The following PDE10A variants were observed in gnomAD, a reference collection of about 807,000 sequenced individuals.
PDE10A encodes cAMP and cAMP-inhibited cGMP 3',5'-cyclic phosphodiesterase 10A.
In PDE10A, 39 loss-of-function variants were observed where a neutral mutation model predicts 97.7. The observed-to-expected ratio is 0.40, with a 90% CI of 0.31 to 0.52. The LOEUF is 0.52. Among genes scored for constraint, PDE10A ranks in the 20% least tolerant of loss-of-function variants. The pLI, the probability that PDE10A is intolerant of heterozygous loss-of-function variation, is 0.56. For synonymous variants in PDE10A, 371 were observed against 376.8 expected (o/e 0.98, Z 0.18); for missense variants, 731 against 1,047.8 (o/e 0.70, Z 4.17).
intron 1 of PDE10A, among the ~76,000 whole-genome samples, chr6:165,609,002 A>G (rs1345695241): frequency 6.6e-6 from 1 of 152,072 alleles, no homozygotes; most frequent in Non-Finnish European, 1.5e-5. Context: ...TAGATTCTGG[A>G]TATTAGCCCT....
At chr6:165,619,419 G>GTAGTC (rs1554296731) in intron 1 of PDE10A, among the ~76,000 whole-genome samples, 2 of 19,408 alleles carry the variant, frequency 1.0e-4, no homozygotes, top group East Asian at 1.2e-3. Context: ...CTAGTGTAGT[G>GTAGTC]TAGTGTAGTA....
In PDE10A at chr6:165,776,433, C is replaced by G. The variant is rs1778185799; in HGVS notation, c.-615+211096G>C. Among the ~76,000 whole-genome samples the G allele has an allele frequency of 2.0e-5, 3 of 152,192 alleles. No individual in the cohort carries two copies. The South Asian group carries it at 6.2e-4, about 31-fold the overall frequency. On this transcript the variant is annotated intron_variant, in intron 1 of 19. Transcript: ENST00000366882. The stretch of plus-strand genomic sequence containing the variant: ...TTATTTCGATTAAATCAAAGCACTG[C>G]AGTAAAAGAAGGCAAATAAATGTTT...
At chr6:165,409,421 C>A (rs1449166307) in intron 13 of PDE10A, 1 of 152,426 alleles carries the variant, frequency 6.6e-6, no homozygotes, top group Non-Finnish European at 1.5e-5. Context: ...GTAACGCATG[C>A]CTGTAATCCC....
chr6:165,871,851 G>T (rs1196838477), intron 1 of PDE10A, among the ~76,000 whole-genome samples: 3 of 152,218 alleles, frequency 2.0e-5, no homozygotes, highest in Non-Finnish European at 4.4e-5. Flanking sequence ...GCCTGTGAAG[G>T]CTGGAGAAAC....
intron 1 of PDE10A, among the ~76,000 whole-genome samples, chr6:165,757,856 T>G (rs1333467372): frequency 6.6e-6 from 1 of 152,198 alleles, no homozygotes; most frequent in Non-Finnish European, 1.5e-5. Flanking sequence ...GATGACATAA[T>G]TTAGAGAGAA....
intron 3 of PDE10A, among the ~76,000 whole-genome samples, chr6:165,468,254 TA>T (rs1323478535): frequency 6.6e-6 from 1 of 151,386 alleles, no homozygotes; most frequent in Non-Finnish European, 1.5e-5. Context: ...AATTTTTTTT[TA>T]TTTTTTTTTT....
chr6:165,679,768 C>A (rs1274499653), intron 1 of PDE10A, among the ~76,000 whole-genome samples: 1 of 152,166 alleles, frequency 6.6e-6, no homozygotes, highest in African/African-American at 2.4e-5. Context: ...CACAAGATTT[C>A]CTGGGTCTAA....
intron 1 of PDE10A, among the ~76,000 whole-genome samples, chr6:165,546,658 G>T (rs1471812916): frequency 6.6e-6 from 1 of 152,010 alleles, no homozygotes; most frequent in Non-Finnish European, 1.5e-5. Flanking sequence ...GTCCCAAGAG[G>T]GTACAGTTTG....
At chr6:165,944,559 A>G (rs1394539622) in intron 1 of PDE10A, among the ~76,000 whole-genome samples, 2 of 152,278 alleles carry the variant, frequency 1.3e-5, no homozygotes, top group South Asian at 4.1e-4. Flanking sequence ...ACTGTGTGCT[A>G]CCATTTTTAT....
chr6:165,730,247 G>A (rs770902526), intron 1 of PDE10A, among the ~76,000 whole-genome samples: 2 of 151,998 alleles, frequency 1.3e-5, no homozygotes, highest in Non-Finnish European at 2.9e-5. Context: ...AGAGCTAAGT[G>A]AAAATATTTC....
intron 1 of PDE10A, among the ~76,000 whole-genome samples, chr6:165,586,702 C>A (rs986899879): frequency 2.0e-5 from 3 of 152,128 alleles, no homozygotes; most frequent in African/African-American, 7.2e-5. Context: ...CTAGAAGCCA[C>A]CAAAATCCAT....
chr6:165,908,473 A>G (rs1447004775), intron 1 of PDE10A, among the ~76,000 whole-genome samples: 2 of 152,180 alleles, frequency 1.3e-5, no homozygotes, highest in Non-Finnish European at 2.9e-5. Context: ...CTGATTCTAA[A>G]TGTGGGTTCC....
At chr6:165,336,469 G>T (rs894741681) in intron 20 of PDE10A, among the ~76,000 whole-genome samples, 1 of 152,126 alleles carries the variant, frequency 6.6e-6, no homozygotes, top group Admixed American at 6.5e-5. Flanking sequence ...CTGAAATCTG[G>T]CCGGGCGCGG....
At chr6:165,689,328 C>T (rs1486034923) in intron 1 of PDE10A, among the ~76,000 whole-genome samples, 1 of 152,038 alleles carries the variant, frequency 6.6e-6, no homozygotes, top group East Asian at 1.9e-4. Context: ...TTTATGAATC[C>T]CCTAGAGAGT....
At chr6:165,627,899 AT>A (rs1276268652) in intron 1 of PDE10A, among the ~76,000 whole-genome samples, 1 of 152,182 alleles carries the variant, frequency 6.6e-6, no homozygotes, top group Admixed American at 6.5e-5. Context: ...AGTCCAACCC[AT>A]AAAGCTGAAG....
intron 1 of PDE10A, among the ~76,000 whole-genome samples, chr6:165,847,241 G>A (rs980082841): frequency 1.3e-5 from 2 of 152,218 alleles, no homozygotes; most frequent in African/African-American, 2.4e-5. Flanking sequence ...AGAGGCAGGG[G>A]TACCGGGAGC....
intron 1 of PDE10A, among the ~76,000 whole-genome samples, chr6:165,799,537 C>T (rs182338968): frequency 1.3e-5 from 2 of 152,170 alleles, no homozygotes; most frequent in African/African-American, 2.4e-5. Flanking sequence ...TGTATGGATT[C>T]GATTGTATCT....
intron 1 of PDE10A, among the ~76,000 whole-genome samples, chr6:165,547,962 A>G (rs1783817899): frequency 6.6e-6 from 1 of 152,138 alleles, no homozygotes; most frequent in African/African-American, 2.4e-5. Flanking sequence ...TTTCAGATGA[A>G]GATTTTGCCT....
At chr6:165,923,774 GT>G (rs10718304) in intron 1 of PDE10A, among the ~76,000 whole-genome samples, 44,972 of 149,352 alleles carry the variant, frequency 0.3, 6,769 homozygotes, top group Admixed American at 0.35. Context: ...AATTAACTGT[GT>G]TTTTTTTTTT....
Sources: gnomAD v4.1 joint callset for allele counts (sites outside exome capture counted in the v4.1 genomes callset) on GRCh38, gnomAD v4.1.1 for gene constraint, MANE v1.5 for transcripts, NCBI Gene and HGNC (gene_info 2026-07-23, HGNC 2026-07-21) for gene names.